The following CRY2 variants were observed in gnomAD, a reference collection of about 807,000 sequenced individuals.
The protein encoded by CRY2 is cryptochrome-2.
Under a neutral mutation model 69.5 loss-of-function variants are expected in CRY2, and 31 were observed. The observed-to-expected ratio is 0.45, with a 90% CI of 0.34 to 0.60. The LOEUF (loss-of-function observed/expected upper bound fraction) is 0.60. CRY2 is among the 20% of genes least tolerant of loss of function. The pLI, the probability that CRY2 is intolerant of heterozygous loss-of-function variation, is 0.02. For missense variants in CRY2, 606 were observed against 797.8 expected (o/e 0.76, Z 2.90); for synonymous variants, 303 against 312.2 (o/e 0.97, Z 0.31).
At chr11:45,850,188 T>C (rs1022459980) in intron 1 of CRY2, among the ~76,000 whole-genome samples, 2 of 152,014 alleles carry the variant, frequency 1.3e-5, no homozygotes, top group Non-Finnish European at 2.9e-5. Flanking sequence ...TTTGTATTTT[T>C]TGTAGAGATG....
chr11:45,877,505 T>C (rs1316142420), intron 11 of CRY2, among the ~76,000 whole-genome samples: 1 of 152,222 alleles, frequency 6.6e-6, no homozygotes, highest in Non-Finnish European at 1.5e-5. Context: ...GGAAGGGATG[T>C]GAGGGCAAAG....
chr11:45,851,708 A>C (rs990628794), intron 1 of CRY2, among the ~76,000 whole-genome samples: 1 of 152,218 alleles, frequency 6.6e-6, no homozygotes, highest in African/African-American at 2.4e-5. Context: ...TTAGAAATAA[A>C]TCCCTGCCAG....
chr11:45,872,580 T>A (rs2086394673), intron 11 of CRY2, among the ~76,000 whole-genome samples: 1 of 151,774 alleles, frequency 6.6e-6, no homozygotes, highest in African/African-American at 2.4e-5. Flanking sequence ...ACTCCATCTC[T>A]AAAAACATAA....
At chr11:45,857,281 G>T (rs1005902298) in intron 2 of CRY2, among the ~76,000 whole-genome samples, 1 of 152,116 alleles carries the variant, frequency 6.6e-6, no homozygotes, top group African/African-American at 2.4e-5. Flanking sequence ...CTAAGAGGTG[G>T]CTACTGCTAT....
At chr11:45,858,915 G>A in intron 3 of CRY2, 42 bp downstream of exon 3, 1 of 1,598,632 alleles carries the variant, frequency 6.3e-7, no homozygotes, top group South Asian at 1.1e-5. Flanking sequence ...AATTGTGAGA[G>A]TTAGTAATTT....
chr11:45,861,196 T>A (rs1368895163), intron 4 of CRY2, 164 bp downstream of exon 4: 3 of 696,820 alleles, frequency 4.3e-6, no homozygotes, highest in Admixed American at 2.9e-5. Context: ...TAACCACAAT[T>A]AATTTTAAAC....
rs1037845008 is a variant in CRY2, at chr11:45,883,063, A to AGGT, written c.*2155_*2157dup. The AGGT allele has an allele frequency of 8.3e-6, 2 of 241,038 alleles. No individual in the cohort carries two copies. The highest frequency in any genetic ancestry group is 4.5e-5 in the African/African-American group (2 of 44,786). 14.9% of individuals were successfully genotyped at this position (241,038 alleles called of 1,614,324 possible). A position where few individuals can be genotyped will look rare whatever the true frequency, so the allele number is the denominator to read the frequency against. ...CTTCATGCCTCCCTTCTCCCAGCTCAGGTGGCCCTGAGGGCTCCCTCGGAA... is the reference window on the plus strand; with the variant it reads ...CTTCATGCCTCCCTTCTCCCAGCTCAGGTGGTGGCCCTGAGGGCTCCCTCGGAA... On this transcript the variant is annotated 3_prime_UTR_variant, in exon 12 of 12. Coordinates refer to ENST00000616080, the MANE Select transcript of CRY2 (RefSeq NM_021117.5).
intron 11 of CRY2, among the ~76,000 whole-genome samples, chr11:45,872,559 A>G (rs1471415994): frequency 6.6e-6 from 1 of 152,058 alleles, no homozygotes; most frequent in Non-Finnish European, 1.5e-5. Flanking sequence ...TGGCCAAACC[A>G]ACATAGTGAG....
rs1461302341 is a variant in CRY2 at position 45,883,023 on chromosome 11, G to A, written c.*2112G>A. 1.0e-5 allele frequency: 3 copies of A among 289,932 alleles called. No individual in the cohort carries two copies. The highest frequency in any genetic ancestry group is 1.9e-5 in the Non-Finnish European group (3 of 157,264). The allele number at this position is 289,932 out of a possible 1,614,324, so 18.0% of individuals were successfully genotyped here. A position where few individuals can be genotyped will look rare whatever the true frequency, so the allele number is the denominator to read the frequency against. On this transcript the variant is annotated 3_prime_UTR_variant, in exon 12 of 12. Coordinates refer to ENST00000616080, the MANE Select transcript of CRY2 (RefSeq NM_021117.5). ...GTAGAGAGGGTATGTCCAGTAGCCT[G>A]GAGCTCCATGGTGGCTTCATGCCTC... is the stretch of plus-strand genomic sequence containing the variant.
intron 2 of CRY2, among the ~76,000 whole-genome samples, chr11:45,856,948 A>G (rs530707419): frequency 8.5e-5 from 13 of 152,336 alleles, no homozygotes; most frequent in South Asian, 6.2e-4. Context: ...TTTAAAAAGT[A>G]TATTCTAAGG....
At chr11:45,859,979 A>G (rs1352475156) in intron 3 of CRY2, among the ~76,000 whole-genome samples, 1 of 152,128 alleles carries the variant, frequency 6.6e-6, no homozygotes, top group Non-Finnish European at 1.5e-5. Context: ...GCAGCAGCCG[A>G]CCATATATCT....
rs763171722 is a variant in CRY2, at chr11:45,869,646, C to T, written c.1023C>T (p.Arg341=). The T allele has an allele frequency of 1.2e-6, 2 of 1,614,140 alleles. No homozygotes were observed. The highest frequency in any genetic ancestry group is 1.7e-5 in the Admixed American group (1 of 60,012). Residue 341 remains arginine (R), a synonymous_variant, in exon 7 of 12, where the codon CGC becomes CGT. Coordinates refer to ENST00000616080, the MANE Select transcript of CRY2 (RefSeq NM_021117.5). Reference sequence around the variant, plus strand: ...TCTGCATCCAGATCCCCTGGGACCGCAATCCTGAGGCCCTGGCCAAGTGGG... The same window carrying T: ...TCTGCATCCAGATCCCCTGGGACCGTAATCCTGAGGCCCTGGCCAAGTGGG... ...NPICIQIPWD[R]NPEALAKWAE...
chr11:45,872,080 G>T lies in CRY2; in HGVS notation c.1643-12G>T. The T allele has an allele frequency of 6.2e-7, 1 of 1,613,632 alleles. No homozygotes were observed. The highest frequency in any genetic ancestry group is 8.5e-7 in the Non-Finnish European group (1 of 1,179,736). On this transcript the variant is annotated splice_polypyrimidine_tract_variant and intron_variant, in intron 10 of 11. Transcript: ENST00000616080. The stretch of plus-strand genomic sequence containing the variant: ...CACAGTCTGTGTGACCCTTTGACAC[G>T]CTTCCCTACAGGCCCAAGACCACTA...
chr11:45,869,691 C>G lies in CRY2; in HGVS notation c.1068C>G (p.Phe356Leu), dbSNP rs777268085. ...AGTGGGCTGAGGGCAAGACAGGCTT[C>G]CCTTGGATTGATGCCATCATGACCC... is the stretch of plus-strand genomic sequence containing the variant. ...LAKWAEGKTG[F>L]PWIDAIMTQL... The change falls in exon 7 of 12, where the codon TTC becomes TTG. Residue 356 changes from phenylalanine to leucine, a missense_variant. Transcript: ENST00000616080. 1 of 1,614,224 alleles carries G rather than the reference C, an allele frequency of 6.2e-7. No individual in the cohort carries two copies. The highest frequency in any genetic ancestry group is 1.1e-5 in the South Asian group (1 of 91,090).
chr11:45,854,280 G>A (rs1417184696), intron 1 of CRY2, among the ~76,000 whole-genome samples: 1 of 152,238 alleles, frequency 6.6e-6, no homozygotes, highest in Non-Finnish European at 1.5e-5. Context: ...AAGAATGCCA[G>A]TGGATTACCT....
Position 45,869,722 on chromosome 11 carries a change from A to G in CRY2, c.1099A>G (p.Arg367Gly). 2 of 1,614,160 alleles carry G rather than the reference A, an allele frequency of 1.2e-6. No homozygotes were observed. The highest frequency in any genetic ancestry group is 1.7e-6 in the Non-Finnish European group (2 of 1,180,014). The stretch of plus-strand genomic sequence containing the variant: ...GATTGATGCCATCATGACCCAACTG[A>G]GGCAGGAGGGCTGGATCCACCACCT... The part of the protein sequence containing the change: ...PWIDAIMTQL[R>G]QEGWIHHLAR... The change falls in exon 7 of 12, where the codon AGG becomes GGG. Residue 367 changes from arginine (R) to glycine (G), a missense_variant. Physicochemically the swap from Arg to Gly is moderately radical, Grantham distance 125. Around this residue, in one of 5 missense-constraint regions of CRY2, gnomAD observed 382 missense variants for 508.9 expected, o/e 0.75. Coordinates refer to ENST00000616080, the MANE Select transcript of CRY2 (RefSeq NM_021117.5).
chr11:45,872,378 A>G, intron 11 of CRY2, 145 bp downstream of exon 11: 1 of 737,190 alleles, frequency 1.4e-6, no homozygotes, highest in Non-Finnish European at 2.2e-6. Context: ...AAGCTTTACC[A>G]TTTTACAGTG....
chr11:45,867,583 C>T, intron 5 of CRY2, 29 bp from the exon 6 acceptor site: 1 of 1,613,834 alleles, frequency 6.2e-7, no homozygotes. Context: ...CCAAGCCTTT[C>T]CTTTTGCCAC....
intron 11 of CRY2, among the ~76,000 whole-genome samples, chr11:45,878,518 A>G (rs932563765): frequency 1.6e-4 from 25 of 152,370 alleles, no homozygotes; most frequent in African/African-American, 6.0e-4. Context: ...GCACATTTCA[A>G]TAAATACATG....
Sources: allele counts gnomAD v4.1 joint callset (sites outside exome capture counted in the v4.1 genomes callset), GRCh38; gene constraint gnomAD v4.1.1; regional missense constraint gnomAD v4.1.1; transcripts MANE v1.5; gene names NCBI Gene and HGNC (gene_info 2026-07-23, HGNC 2026-07-21).